Variants in ZNF486 observed in about 807,000 individuals in gnomAD.
ZNF486 encodes the protein zinc finger protein 486.
A neutral mutation model predicts 12.8 loss-of-function variants in ZNF486; 12 were observed. The ratio of observed to expected loss-of-function variants is 0.94; its 90% CI spans 0.60 to 1.52. The LOEUF (loss-of-function observed/expected upper bound fraction) is 1.52, where lower values mean the gene tolerates loss of function less well. Ranked by LOEUF, ZNF486 falls within the 40% of genes most tolerant of loss-of-function variation. The pLI is 0.00. For missense variants in ZNF486, 738 were observed against 545.0 expected, an observed-to-expected ratio of 1.35 and a Z score of -3.53; for synonymous variants, 231 against 184.9, an observed-to-expected ratio of 1.25 and a Z score of -2.02.
intron 3 of ZNF486, among the ~76,000 whole-genome samples, chr19:20,191,620 A>G (rs2089903842): frequency 6.7e-6 from 1 of 148,800 alleles, no homozygotes; most frequent in Non-Finnish European, 1.5e-5. Flanking sequence ...ATATAAAAAA[A>G]TTAGCCGGGC....
At position 20,197,419 on chromosome 19, in the gene ZNF486, C is replaced by G. The variant is rs2089970332; in HGVS notation, c.709C>G (p.Pro237Ala). 1 of 1,613,578 alleles carries G rather than the reference C, an allele frequency of 6.2e-7. No homozygotes were observed. Reference sequence around the variant, plus strand: ...TAAGATAACTCATACTAGAGAGAAACCCTACAAATGTGAAGAATGTGGCAA... The same window carrying G: ...TAAGATAACTCATACTAGAGAGAAAGCCTACAAATGTGAAGAATGTGGCAA... The part of the protein sequence containing the change: ...THKITHTREK[P>A]YKCEECGKVF... Residue 237 changes from proline to alanine, a missense_variant, in exon 4 of 4, where the codon CCC becomes GCC. Coordinates refer to ENST00000335117, the MANE Select transcript of ZNF486 (RefSeq NM_052852.4).
rs558691970 is a variant in ZNF486, at chr19:20,200,183, T to A, written c.*2081T>A. 2 of 152,328 alleles carry A rather than the reference T, an allele frequency of 1.3e-5. No homozygotes were observed. The highest frequency in any genetic ancestry group is 4.1e-4 in the South Asian group (2 of 4,832). The allele number at this position is 152,328 out of a possible 1,614,324, so 9.4% of individuals were successfully genotyped here. ...TGCTGTTATTTTATTCTTATTGTAT[T>A]CACATGTGAAAGCATGTGATCAATT... On this transcript the variant is annotated 3_prime_UTR_variant, in exon 4 of 4. Coordinates refer to ENST00000335117, the MANE Select transcript of ZNF486 (RefSeq NM_052852.4).
At chr19:20,184,588 A>T (rs1453694738) in intron 2 of ZNF486, 106 bp downstream of exon 2, 3 of 1,236,544 alleles carry the variant, frequency 2.4e-6, no homozygotes, top group African/African-American at 3.1e-5. Flanking sequence ...AGAGTTCCAG[A>T]TGTCCTTTTT....
Position 20,197,372 on chromosome 19 carries a change from G to C in ZNF486, c.662G>C (p.Arg221Pro). 6.2e-7 allele frequency: 1 copy of C among 1,611,232 alleles called. No individual in the cohort carries two copies. The highest frequency in any genetic ancestry group is 8.5e-7 in the Non-Finnish European group (1 of 1,179,036). ...KCEECGKAFN[R>P]SSHLTTHKIT... is the part of the protein sequence containing the mutation. ...GAAGAATGTGGCAAAGCCTTCAACC[G>C]GTCCTCACACCTTACTACACATAAG... Residue 221 changes from arginine to proline, a missense_variant, in exon 4 of 4, where the codon CGG (arginine) becomes CCG (proline). By Grantham distance (103) the Arg-to-Pro change is moderately radical. Transcript: ENST00000335117.
At chr19:20,170,229 T>C (rs1378940776) in intron 1 of ZNF486, among the ~76,000 whole-genome samples, 1 of 150,994 alleles carries the variant, frequency 6.6e-6, no homozygotes, top group Admixed American at 6.6e-5. Context: ...AGACTGAGGG[T>C]AGCTCAAAAT....
intron 1 of ZNF486, among the ~76,000 whole-genome samples, chr19:20,170,891 A>C (rs1392935394): frequency 6.6e-6 from 1 of 152,078 alleles, no homozygotes; most frequent in African/African-American, 2.4e-5. Flanking sequence ...CGGTAAACAT[A>C]ACTACAGTGT....
intron 1 of ZNF486, 60 bp downstream of exon 1, chr19:20,167,420 G>T (rs2089596206): frequency 1.3e-6 from 2 of 1,586,036 alleles, no homozygotes; most frequent in Non-Finnish European, 1.7e-6. Context: ...GGAAGTGGCT[G>T]TGGAGGGACT....
rs888027597 is a variant in ZNF486, at chr19:20,197,030, T to A, written c.320T>A (p.Val107Glu). The A allele has an allele frequency of 6.2e-7, 1 of 1,609,190 alleles. No individual in the cohort carries two copies. Among genetic ancestry groups the A allele is most frequent in the Middle Eastern group, 1.7e-4 (1 of 6,032 alleles). Residue 107 changes from valine to glutamate, a missense_variant, in exon 4 of 4, where the codon GTG becomes GAG. Transcript: ENST00000335117. ...AGCATAAAAGATTCTTACCAAAAAGTGATACTGAGAAAATTTGAAAAATGT... is the reference window on the plus strand; with the variant it reads ...AGCATAAAAGATTCTTACCAAAAAGAGATACTGAGAAAATTTGAAAAATGT... ...EQSIKDSYQK[V>E]ILRKFEKCGH...
rs567583666 is a variant in ZNF486 at position 20,184,847 on chromosome 19, C to T, written c.157+365C>T. ...TCATGCAGGGCCAGGCGCAGTGGCT[C>T]ATACCTGTAATTCCAGCACTTTGGG... On this transcript the variant is annotated intron_variant, in intron 2 of 3. Transcript: ENST00000335117. 2.4e-4 allele frequency among the ~76,000 whole-genome samples: 37 copies of T among 152,242 alleles called. 1 individual carries two copies. The South Asian group carries it at 7.3e-3, about 30-fold the overall frequency.
chr19:20,172,679 G>A (rs371951886), intron 1 of ZNF486, among the ~76,000 whole-genome samples: 18 of 137,384 alleles, frequency 1.3e-4, no homozygotes, highest in African/African-American at 3.0e-4. Context: ...AGATGGAGTC[G>A]CTTAGACTGG....
rs1555713102 is a variant in ZNF486, at chr19:20,167,236, C to G, written c.-95C>G. On this transcript the variant is annotated 5_prime_UTR_variant, in exon 1 of 4. Transcript: ENST00000335117. ...TTTGTCTCTCGCTGCATCTGGAGCT[C>G]TAGGTCGCCTCTTCGCTACTCTGTG... The G allele has an allele frequency of 2.7e-6, 4 of 1,497,680 alleles. No individual in the cohort carries two copies. Among genetic ancestry groups the G allele is most frequent in the African/African-American group, 1.4e-5 (1 of 72,550 alleles). 92.8% of individuals were successfully genotyped at this position (1,497,680 alleles called of 1,614,324 possible).
intron 1 of ZNF486, among the ~76,000 whole-genome samples, chr19:20,174,036 T>A (rs1440681634): frequency 1.3e-5 from 2 of 152,348 alleles, no homozygotes; most frequent in South Asian, 2.1e-4. Flanking sequence ...GTTTATTTTT[T>A]AATTTTTAGT....
chr19:20,187,080 G>A (rs1233008867), intron 3 of ZNF486, among the ~76,000 whole-genome samples: 3 of 151,810 alleles, frequency 2.0e-5, no homozygotes, highest in African/African-American at 7.3e-5. Flanking sequence ...ACCCCGCCCG[G>A]CCCATAGTTT....
rs1354938069 is a variant in ZNF486 at position 20,200,106 on chromosome 19, A to C, written c.*2004A>C. The C allele has an allele frequency of 6.6e-6, 1 of 152,088 alleles. No homozygotes were observed. The highest frequency in any genetic ancestry group is 1.5e-5 in the Non-Finnish European group (1 of 68,024). The allele number at this position is 152,088 out of a possible 1,614,324, so 9.4% of individuals were successfully genotyped here. ...AAAAAGTGTATTTGTTTCCTTAAAA[A>C]AATTTTTCTGAAAAGTGGGTAATGA... On this transcript the variant is annotated 3_prime_UTR_variant, in exon 4 of 4. Transcript: ENST00000335117.
intron 1 of ZNF486, among the ~76,000 whole-genome samples, chr19:20,173,864 C>T (rs1317534582): frequency 2.6e-5 from 4 of 151,522 alleles, no homozygotes; most frequent in African/African-American, 9.7e-5. Context: ...AAATTTTTGC[C>T]ATTGTCTCAT....
chr19:20,186,946 C>T lies in ZNF486; in HGVS notation c.253+864C>T, dbSNP rs541449440. On this transcript the variant is annotated intron_variant, in intron 3 of 3. Transcript: ENST00000335117. ...TACAGGTGCATACAACCATGCCTGG[C>T]TAATTTTTTTTGTATTTTTTGTAGA... 2.6e-5 allele frequency among the ~76,000 whole-genome samples: 4 copies of T among 151,822 alleles called. No homozygotes were observed. In the South Asian group the frequency reaches 6.3e-4, roughly 24 times the overall value.
intron 2 of ZNF486, among the ~76,000 whole-genome samples, chr19:20,185,404 G>GTTTTTTTTTTTTTTT (rs782413355): frequency 2.9e-5 from 2 of 69,606 alleles, no homozygotes; most frequent in Admixed American, 1.9e-4. Flanking sequence ...TATTGTTTAT[G>GTTTTTTTTTTTTTTT]TTTTTTTTTT....
intron 3 of ZNF486, chr19:20,188,606 C>T (rs2089872878): frequency 2.5e-6 from 1 of 396,252 alleles, no homozygotes; most frequent in Non-Finnish European, 4.4e-6. Context: ...AAAATTGTGC[C>T]ACTACACTCC....
At chr19:20,186,134 AG>A in intron 3 of ZNF486, 52 bp downstream of exon 3, 1 of 1,417,748 alleles carries the variant, frequency 7.1e-7, no homozygotes, top group Non-Finnish European at 9.5e-7. Context: ...AGAGGTCCCA[AG>A]GTCAAAAAGA....
Sources: gnomAD v4.1 joint callset for allele counts (sites outside exome capture counted in the v4.1 genomes callset) on GRCh38, gnomAD v4.1.1 for gene constraint, MANE v1.5 for transcripts, NCBI Gene and HGNC (gene_info 2026-07-23, HGNC 2026-07-21) for gene names.